UGT2B10: variants seen among roughly 807,000 people sequenced by gnomAD.
UGT2B10 encodes UDP glucuronosyltransferase family 2 member B10, also known as UDP-glucuronosyltransferase 2B10.
In UGT2B10, 51 loss-of-function variants were observed where a neutral mutation model predicts 43.7. That is an observed-to-expected ratio of 1.17 (90% CI 0.93 to 1.47). UGT2B10 has a LOEUF of 1.47. UGT2B10 is among the 40% of genes most tolerant of loss of function. The pLI is 0.00. For missense variants in UGT2B10, 696 were observed against 617.7 expected, an observed-to-expected ratio of 1.13 and a Z score of -1.34; for synonymous variants, 225 against 209.0, an observed-to-expected ratio of 1.08 and a Z score of -0.66.
chr4:68,821,690 T>C (rs1737505699), intron 2 of UGT2B10, among the ~76,000 whole-genome samples: 1 of 152,152 alleles, frequency 6.6e-6, no homozygotes, highest in African/African-American at 2.4e-5. Context: ...GAAAAACTAC[T>C]GGAAAACTCT....
rs1467112982 is a variant in UGT2B10 at position 68,831,763 on chromosome 4, C to T, written c.*884C>T. On this transcript the variant is annotated 3_prime_UTR_variant, in exon 6 of 6. Transcript: ENST00000265403. ...TATGCTTTGTTAAAGTGTTTATGCC[C>T]TGATTCAATGTGATTATCTCAATTT... Among the ~76,000 whole-genome samples the T allele has an allele frequency of 6.6e-6, 1 of 152,006 alleles. No homozygotes were observed. Among genetic ancestry groups the T allele is most frequent in the Non-Finnish European group, 1.5e-5 (1 of 67,966 alleles).
chr4:68,831,984 A>C lies in UGT2B10; in HGVS notation c.*1105A>C, dbSNP rs1402536380. The stretch of plus-strand genomic sequence containing the variant: ...ACTTAGGATTCTGGATCTCTTATGA[A>C]TAACAAATTTATCCTTAATAAAGTC... On this transcript the variant is annotated 3_prime_UTR_variant, in exon 6 of 6. Transcript: ENST00000265403. Among the ~76,000 whole-genome samples the C allele has an allele frequency of 6.6e-6, 1 of 152,058 alleles. No individual in the cohort carries two copies. The highest frequency in any genetic ancestry group is 2.4e-5 in the African/African-American group (1 of 41,438).
rs1192558653 is a variant in UGT2B10 at position 68,831,314 on chromosome 4, A to G, written c.*435A>G. On this transcript the variant is annotated 3_prime_UTR_variant, in exon 6 of 6. Transcript: ENST00000265403. ...CATTGTGTTCTCCATGCTGATTTCA[A>G]ACTCCTGGGCTCAAACAATCCTCCC... is the stretch of plus-strand genomic sequence containing the variant. 6.3e-6 allele frequency: 1 copy of G among 158,556 alleles called. No homozygotes were observed. The highest frequency in any genetic ancestry group is 1.4e-5 in the Non-Finnish European group (1 of 72,420). 9.8% of individuals were successfully genotyped at this position (158,556 alleles called of 1,614,324 possible).
chr4:68,831,010 C>T lies in UGT2B10; in HGVS notation c.*131C>T. 1.5e-6 allele frequency: 2 copies of T among 1,311,290 alleles called. No individual in the cohort carries two copies. Among genetic ancestry groups the T allele is most frequent in the South Asian group, 1.6e-5 (1 of 62,642 alleles). 81.2% of individuals were successfully genotyped at this position (1,311,290 alleles called of 1,614,324 possible). ...AAAATCCTTTCGAAGTCTACCTTGT[C>T]AAGTAAAAATTTGTTTTTCAGAGAT... On this transcript the variant is annotated 3_prime_UTR_variant, in exon 6 of 6. Transcript: ENST00000265403.
rs571822472 is a variant in UGT2B10 at position 68,826,996 on chromosome 4, A to G, written c.1088-333A>G. ...CTGCCTGCTGCCTTGCACACCCCAC[A>G]TATCACACTCTGTGACTGTACTTAG... On this transcript the variant is annotated intron_variant, in intron 4 of 5. Transcript: ENST00000265403. Among the ~76,000 whole-genome samples, 10 of 152,056 alleles carry G rather than the reference A, an allele frequency of 6.6e-5. No homozygotes were observed. The East Asian group carries it at 1.2e-3, about 18-fold the overall frequency.
Position 68,831,190 on chromosome 4 carries a change from C to A in UGT2B10, c.*311C>A, listed in dbSNP as rs568015418. The A allele has an allele frequency of 1.1e-5, 3 of 274,852 alleles. No homozygotes were observed. The highest frequency in any genetic ancestry group is 2.0e-5 in the Non-Finnish European group (3 of 147,894). 17.0% of individuals were successfully genotyped at this position (274,852 alleles called of 1,614,324 possible). A position where few individuals can be genotyped will look rare whatever the true frequency, so the allele number is the denominator to read the frequency against. On this transcript the variant is annotated 3_prime_UTR_variant, in exon 6 of 6. Coordinates refer to ENST00000265403, the MANE Select transcript of UGT2B10 (RefSeq NM_001075.6). ...CTCACTTCAGCCTCAACTTACTAAG[C>A]TCAAGAGGTTCTCTCACCTCAGCCC... is the stretch of plus-strand genomic sequence containing the variant.
At position 68,826,413 on chromosome 4, in the gene UGT2B10, C is replaced by G. The variant is rs527412075; in HGVS notation, c.1003C>G (p.Leu335Val). 1 of 1,610,176 alleles carries G rather than the reference C, an allele frequency of 6.2e-7. No individual in the cohort carries two copies. The highest frequency in any genetic ancestry group is 1.3e-5 in the African/African-American group (1 of 74,782). Residue 335 changes from leucine (L) to valine (V), a missense_variant, in exon 4 of 6, where the codon CTT (leucine) becomes GTT (valine). Coordinates refer to ENST00000265403, the MANE Select transcript of UGT2B10 (RefSeq NM_001075.6). ...GATATTCTCTTTACTGTAACAGGTT[C>G]TTTGGAGATTTGATGGGAATAAACC... ...TALAKIPQKVLWRFDGNKPDA... is the reference protein window; with the variant it reads ...TALAKIPQKVVWRFDGNKPDA...
intron 2 of UGT2B10, among the ~76,000 whole-genome samples, chr4:68,820,165 T>A (rs1264033686): frequency 6.6e-6 from 1 of 152,052 alleles, no homozygotes; most frequent in African/African-American, 2.4e-5. Flanking sequence ...AAAAAAAGGT[T>A]GACTGGTAGT....
chr4:68,824,974 G>T (rs145815572), intron 3 of UGT2B10, among the ~76,000 whole-genome samples: 2 of 152,008 alleles, frequency 1.3e-5, no homozygotes, highest in Non-Finnish European at 1.5e-5. Context: ...AATTTTTCTT[G>T]GAAGTAGTGC....
intron 3 of UGT2B10, among the ~76,000 whole-genome samples, chr4:68,825,957 C>A (rs1193359154): frequency 6.6e-6 from 1 of 152,038 alleles, no homozygotes; most frequent in Non-Finnish European, 1.5e-5. Flanking sequence ...TTCCAACCAA[C>A]AGAGTATAAG....
At position 68,816,526 on chromosome 4, in the gene UGT2B10, C is replaced by T. The variant is rs754326510; in HGVS notation, c.507C>T (p.Tyr169=). 2.7e-5 allele frequency: 44 copies of T among 1,613,046 alleles called. No homozygotes were observed. Among genetic ancestry groups the T allele is most frequent in the Non-Finnish European group, 3.6e-5 (42 of 1,179,392 alleles). ...LAELFNIPFV[Y]SHSFSPGYSF... ...AGCTATTTAACATACCCTTTGTGTA[C>T]AGTCACAGCTTCAGTCCTGGCTACT... Residue 169 remains tyrosine, a synonymous_variant, in exon 1 of 6, where the codon TAC becomes TAT. Coordinates refer to ENST00000265403, the MANE Select transcript of UGT2B10 (RefSeq NM_001075.6).
chr4:68,825,457 A>G lies in UGT2B10; in HGVS notation c.1000-953A>G, dbSNP rs568839699. On this transcript the variant is annotated intron_variant, in intron 3 of 5. Coordinates refer to ENST00000265403, the MANE Select transcript of UGT2B10 (RefSeq NM_001075.6). Reference sequence around the variant, plus strand: ...CACCCACGTATTAAGACTAATATTCATTTATTATTTTTCCTGATCCTCTCT... The same window carrying G: ...CACCCACGTATTAAGACTAATATTCGTTTATTATTTTTCCTGATCCTCTCT... 6.6e-3 allele frequency among the ~76,000 whole-genome samples: 995 copies of G among 151,840 alleles called. 16 individuals carry two copies. Among genetic ancestry groups the G allele is most frequent in the African/African-American group, 0.023 (951 of 41,428 alleles).
At position 68,827,214 on chromosome 4, in the gene UGT2B10, T is replaced by G; in HGVS notation, c.1088-115T>G. 7 of 1,533,604 alleles carry G rather than the reference T, an allele frequency of 4.6e-6. 1 individual carries two copies. In the South Asian group the frequency reaches 7.1e-5, roughly 16 times the overall value. 95.0% of individuals were successfully genotyped at this position (1,533,604 alleles called of 1,614,324 possible). On this transcript the variant is annotated intron_variant, in intron 4 of 5. Transcript: ENST00000265403. The stretch of plus-strand genomic sequence containing the variant: ...GTTTTTTCCTCTGAAATCTGAAAAG[T>G]AATAGCAAATTAGTTCAGTGTGTTA...
intron 2 of UGT2B10, among the ~76,000 whole-genome samples, chr4:68,819,320 T>C (rs1220412864): frequency 6.6e-6 from 1 of 151,954 alleles, no homozygotes. Flanking sequence ...AAGGTTATAT[T>C]GTCTTGGAAT....
chr4:68,823,861 C>G (rs923542269), intron 3 of UGT2B10, among the ~76,000 whole-genome samples: 1 of 151,792 alleles, frequency 6.6e-6, no homozygotes, highest in African/African-American at 2.4e-5. Flanking sequence ...ATAATATGAC[C>G]AGGAATAAAT....
Position 68,826,433 on chromosome 4 carries a change from T to C in UGT2B10, c.1023T>C (p.Asn341=). The change falls in exon 4 of 6, where the codon AAT becomes AAC. Residue 341 remains asparagine, a synonymous_variant. Coordinates refer to ENST00000265403, the MANE Select transcript of UGT2B10 (RefSeq NM_001075.6). ...AGGTTCTTTGGAGATTTGATGGGAA[T>C]AAACCAGATGCCTTAGGTCTCAATA... ...PQKVLWRFDG[N]KPDALGLNTR... The C allele has an allele frequency of 1.2e-6, 2 of 1,611,718 alleles. No homozygotes were observed. The highest frequency in any genetic ancestry group is 1.7e-6 in the Non-Finnish European group (2 of 1,179,136).
At position 68,830,818 on chromosome 4, in the gene UGT2B10, A is replaced by C. The variant is rs1738058075; in HGVS notation, c.1526A>C (p.Lys509Thr). ...GCAACCGTGCTATTTATCATCACAA[A>C]GTGTTGTCTGTTTTGTTTCTGGAAG... Reference protein sequence around the residue: ...CVATVLFIITKCCLFCFWKFA... With the variant: ...CVATVLFIITTCCLFCFWKFA... Residue 509 changes from lysine to threonine, a missense_variant, in exon 6 of 6, where the codon AAG (lysine) becomes ACG (threonine). Transcript: ENST00000265403. 5 of 1,613,242 alleles carry C rather than the reference A, an allele frequency of 3.1e-6. No homozygotes were observed. The highest frequency in any genetic ancestry group is 4.2e-6 in the Non-Finnish European group (5 of 1,179,490).
intron 4 of UGT2B10, 56 bp from the exon 5 acceptor site, chr4:68,827,273 T>C: frequency 1.9e-6 from 3 of 1,610,346 alleles, no homozygotes; most frequent in South Asian, 2.2e-5. Context: ...GAGCCTTTCA[T>C]TGTGCATCTC....
intron 2 of UGT2B10, among the ~76,000 whole-genome samples, chr4:68,818,746 A>C (rs1215778847): frequency 1.3e-5 from 2 of 151,866 alleles, no homozygotes; most frequent in African/African-American, 2.4e-5. Flanking sequence ...AGAGACAGAC[A>C]AAAAGGGAAA....
Sources: gnomAD v4.1 joint callset for allele counts (sites outside exome capture counted in the v4.1 genomes callset) on GRCh38, gnomAD v4.1.1 for gene constraint, MANE v1.5 for transcripts, NCBI Gene and HGNC (gene_info 2026-07-23, HGNC 2026-07-21) for gene names.